GOT1: variants seen among roughly 807,000 people sequenced by gnomAD.
GOT1 encodes aspartate aminotransferase, cytoplasmic.
In GOT1, 25 loss-of-function variants were observed where a neutral mutation model predicts 48.2. The observed-to-expected ratio is 0.52, with a 90% CI of 0.38 to 0.72. The LOEUF (loss-of-function observed/expected upper bound fraction) is 0.72. Among genes scored for constraint, GOT1 ranks in the 30% least tolerant of loss-of-function variants. The pLI, the probability that GOT1 is intolerant of heterozygous loss-of-function variation, is 0.00. For missense variants in GOT1, 380 were observed against 520.1 expected (o/e 0.73, Z 2.62); for synonymous variants, 188 against 193.8 (o/e 0.97, Z 0.25).
intron 5 of GOT1, among the ~76,000 whole-genome samples, chr10:99,404,848 A>G (rs2032732840): frequency 6.6e-6 from 1 of 152,018 alleles, no homozygotes; most frequent in Non-Finnish European, 1.5e-5. Flanking sequence ...GGGGCTTCTG[A>G]CCATGCTCCG....
intron 1 of GOT1, among the ~76,000 whole-genome samples, chr10:99,425,496 TAGA>T (rs1386361175): frequency 2.0e-5 from 3 of 151,888 alleles, no homozygotes; most frequent in African/African-American, 4.8e-5. Flanking sequence ...TTACTAGAAG[TAGA>T]AGGAGTAGAA....
intron 2 of GOT1, 94 bp downstream of exon 2, chr10:99,420,530 A>G: frequency 1.1e-6 from 1 of 930,456 alleles, no homozygotes; most frequent in Non-Finnish European, 1.6e-6. Flanking sequence ...GCAGTTCAAT[A>G]GACATAACGC....
chr10:99,429,650 G>A (rs1408097575), intron 1 of GOT1, among the ~76,000 whole-genome samples: 2 of 152,134 alleles, frequency 1.3e-5, no homozygotes, highest in African/African-American at 4.8e-5. Context: ...AGAGGGTTAG[G>A]GGTAAAAAAT....
chr10:99,404,069 A>C (rs1423659731), intron 5 of GOT1, among the ~76,000 whole-genome samples, 195 bp from the exon 6 acceptor site: 5 of 152,172 alleles, frequency 3.3e-5, no homozygotes, highest in Non-Finnish European at 7.4e-5. Context: ...TTTTCCGTAA[A>C]CTTTACTTTT....
chr10:99,424,782 G>A (rs1230290468), intron 1 of GOT1, among the ~76,000 whole-genome samples: 1 of 151,964 alleles, frequency 6.6e-6, no homozygotes, highest in Non-Finnish European at 1.5e-5. Flanking sequence ...CTTCTCCATT[G>A]CCCAGTTTTT....
chr10:99,406,788 G>A lies in GOT1; in HGVS notation c.362C>T (p.Ala121Val), dbSNP rs372034495. Residue 121 changes from alanine to valine, a missense_variant, in exon 3 of 9, where the codon GCG (alanine) becomes GTG (valine). Physicochemically the swap from Ala to Val is moderately conservative, Grantham distance 64 (BLOSUM62 0). Transcript: ENST00000370508. Reference sequence around the variant, plus strand: ...GTTGTTTGTTCCATTGTACCAACGCGCTAAGAAATCAGCTCCAATTCGAAG... The same window carrying A: ...GTTGTTTGTTCCATTGTACCAACGCACTAAGAAATCAGCTCCAATTCGAAG... The part of the protein sequence containing the change: ...GALRIGADFL[A>V]RWYNGTNNKN... 1.2e-5 allele frequency: 19 copies of A among 1,613,082 alleles called. No individual in the cohort carries two copies. The highest frequency in any genetic ancestry group is 2.7e-5 in the African/African-American group (2 of 74,894).
chr10:99,411,491 C>T (rs1405599385), intron 2 of GOT1, among the ~76,000 whole-genome samples: 3 of 152,190 alleles, frequency 2.0e-5, no homozygotes, highest in South Asian at 4.1e-4. Context: ...ATTTATGTCT[C>T]GTCTTTAAGT....
intron 7 of GOT1, among the ~76,000 whole-genome samples, 190 bp from the exon 8 acceptor site, chr10:99,402,912 G>C (rs985724458): frequency 6.6e-6 from 1 of 152,182 alleles, no homozygotes; most frequent in African/African-American, 2.4e-5. Context: ...AGAAGGAAAG[G>C]ACTGCATTTA....
At chr10:99,405,577 C>T (rs891739895) in intron 5 of GOT1, among the ~76,000 whole-genome samples, 179 bp downstream of exon 5, 5 of 149,436 alleles carry the variant, frequency 3.3e-5, no homozygotes, top group African/African-American at 1.2e-4. Flanking sequence ...ATTCTATCTA[C>T]CAAAACATTA....
rs1370960403 is a variant in GOT1, at chr10:99,430,443, C to T, written c.118+5G>A. ...TGCTCACACTCCAGAGCACTACATC[C>T]TTACCTCCCACTCCCAGGTTGACCT... On this transcript the variant is annotated splice_donor_5th_base_variant and intron_variant, in intron 1 of 8. Coordinates refer to ENST00000370508, the MANE Select transcript of GOT1 (RefSeq NM_002079.3). 1 of 1,605,380 alleles carries T rather than the reference C, an allele frequency of 6.2e-7. No homozygotes were observed. The highest frequency in any genetic ancestry group is 2.2e-5 in the East Asian group (1 of 44,782).
In GOT1 at chr10:99,427,418, G is replaced by A. The variant is rs547982951; in HGVS notation, c.118+3030C>T. On this transcript the variant is annotated intron_variant, in intron 1 of 8. Transcript: ENST00000370508. ...CGTGTAGCTGGGACTGCAGGCGCCC[G>A]CCACCACGCCCTGCTAATTTTTTTG... is the stretch of plus-strand genomic sequence containing the variant. 5.3e-5 allele frequency among the ~76,000 whole-genome samples: 8 copies of A among 152,232 alleles called. No homozygotes were observed. The East Asian group carries it at 7.7e-4, about 15-fold the overall frequency.
intron 5 of GOT1, among the ~76,000 whole-genome samples, chr10:99,405,517 CTAG>C (rs1163329466): frequency 1.0e-5 from 1 of 96,934 alleles, no homozygotes; most frequent in Non-Finnish European, 2.1e-5. Flanking sequence ...ATACATAAAA[CTAG>C]ACACACACAC....
rs146049867 is a variant in GOT1, at chr10:99,406,195, C to A, written c.479G>T (p.Arg160Leu). Residue 160 changes from arginine to leucine, a missense_variant, in exon 4 of 9, where the codon CGC (arginine) becomes CTC (leucine). Arg to Leu is a moderately radical substitution (Grantham distance 102, BLOSUM62 -2). Coordinates refer to ENST00000370508, the MANE Select transcript of GOT1 (RefSeq NM_002079.3). ...AAGFKDIRSYRYWDAEKRGLD... is the reference protein window; with the variant it reads ...AAGFKDIRSYLYWDAEKRGLD... ...TCCTCTCTTCTCTGCATCCCAGTAGCGATAGGACCGAATGTCTTTAAAACC... is the reference window on the plus strand; with the variant it reads ...TCCTCTCTTCTCTGCATCCCAGTAGAGATAGGACCGAATGTCTTTAAAACC... 6.2e-6 allele frequency: 10 copies of A among 1,613,988 alleles called. No individual in the cohort carries two copies. The highest frequency in any genetic ancestry group is 8.5e-6 in the Non-Finnish European group (10 of 1,179,832).
intron 1 of GOT1, among the ~76,000 whole-genome samples, chr10:99,430,058 C>T (rs2033096147): frequency 6.6e-6 from 1 of 152,198 alleles, no homozygotes; most frequent in Admixed American, 6.5e-5. Flanking sequence ...GTTAAAAGTT[C>T]TCCTTTACCC....
intron 1 of GOT1, among the ~76,000 whole-genome samples, chr10:99,425,218 T>C (rs749693713): frequency 6.6e-5 from 10 of 152,230 alleles, no homozygotes; most frequent in Non-Finnish European, 1.3e-4. Context: ...GGCACACCTG[T>C]GCAAGGCCCC....
At chr10:99,402,104 A>C (rs1181866223) in intron 8 of GOT1, among the ~76,000 whole-genome samples, 2 of 152,108 alleles carry the variant, frequency 1.3e-5, no homozygotes, top group Non-Finnish European at 2.9e-5. Flanking sequence ...CACTGTGCCC[A>C]GCCCAATCTA....
At chr10:99,400,347 A>G (rs2032655788) in intron 8 of GOT1, among the ~76,000 whole-genome samples, 1 of 152,228 alleles carries the variant, frequency 6.6e-6, no homozygotes, top group Non-Finnish European at 1.5e-5. Context: ...ACTTTTCTGT[A>G]TGTTTAAAAC....
At chr10:99,424,765 C>A (rs994745134) in intron 1 of GOT1, among the ~76,000 whole-genome samples, 3 of 152,090 alleles carry the variant, frequency 2.0e-5, no homozygotes, top group Admixed American at 2.0e-4. Flanking sequence ...ATTTACAACT[C>A]CCCTTCCTTC....
intron 1 of GOT1, among the ~76,000 whole-genome samples, chr10:99,430,070 T>C (rs745475818): frequency 1.3e-5 from 2 of 152,180 alleles, no homozygotes; most frequent in Non-Finnish European, 2.9e-5. Flanking sequence ...CCTTTACCCA[T>C]TTCCTAGCAA....
Sources: allele counts gnomAD v4.1 joint callset (sites outside exome capture counted in the v4.1 genomes callset), GRCh38; gene constraint gnomAD v4.1.1; transcripts MANE v1.5; gene names NCBI Gene and HGNC (gene_info 2026-07-23, HGNC 2026-07-21).